PRKG1: variants seen among roughly 807,000 people sequenced by gnomAD.
PRKG1 encodes the protein protein kinase cGMP-dependent 1.
A neutral mutation model predicts 88.1 loss-of-function variants in PRKG1; 35 were observed. That is an observed-to-expected ratio of 0.40 (90% CI 0.30 to 0.53). PRKG1 has a LOEUF of 0.53. PRKG1 is among the 20% of genes least tolerant of loss of function. PRKG1 has a pLI of 0.59. For synonymous variants in PRKG1, 303 were observed against 292.5 expected, an observed-to-expected ratio of 1.04 and a Z score of -0.37; for missense variants, 540 against 839.8, an observed-to-expected ratio of 0.64 and a Z score of 4.41.
intron 4 of PRKG1, among the ~76,000 whole-genome samples, chr10:51,853,548 C>T (rs938371618): frequency 6.6e-6 from 1 of 152,138 alleles, no homozygotes; most frequent in Admixed American, 6.5e-5. Flanking sequence ...ACTTTAACAT[C>T]CTTGAAAGAC....
chr10:51,750,006 G>T (rs1162900242), intron 3 of PRKG1, among the ~76,000 whole-genome samples: 1 of 150,496 alleles, frequency 6.6e-6, no homozygotes, highest in Non-Finnish European at 1.5e-5. Context: ...CGTGATCTTG[G>T]CTCGCTGCAA....
intron 3 of PRKG1, among the ~76,000 whole-genome samples, chr10:51,504,824 A>G (rs1444246569): frequency 6.6e-6 from 1 of 152,144 alleles, no homozygotes. Flanking sequence ...TTGATTTTGT[A>G]TCCTGAGACT....
chr10:51,379,130 G>A (rs1406678715), intron 2 of PRKG1, among the ~76,000 whole-genome samples: 1 of 151,998 alleles, frequency 6.6e-6, no homozygotes, highest in Non-Finnish European at 1.5e-5. Flanking sequence ...TTATTAAATG[G>A]GGACATTATT....
chr10:52,139,623 G>A (rs1186550514), intron 8 of PRKG1, among the ~76,000 whole-genome samples: 1 of 152,106 alleles, frequency 6.6e-6, no homozygotes, highest in Admixed American at 6.6e-5. Context: ...TGCCAAATGG[G>A]ATAGAAATAT....
upstream of PRKG1, among the ~76,000 whole-genome samples, chr10:51,072,031 A>C (rs903208363): frequency 1.4e-4 from 22 of 152,186 alleles, no homozygotes; most frequent in African/African-American, 5.3e-4. Context: ...CCCCGTCTCT[A>C]CTAAAAATAC....
chr10:51,847,737 G>A (rs1375426816), intron 4 of PRKG1, among the ~76,000 whole-genome samples: 2 of 148,378 alleles, frequency 1.3e-5, no homozygotes, highest in African/African-American at 5.0e-5. Flanking sequence ...TAAGTTGAGT[G>A]TGGTAGTGCA....
chr10:51,845,081 G>A (rs1465938426), intron 4 of PRKG1, among the ~76,000 whole-genome samples: 2 of 152,158 alleles, frequency 1.3e-5, no homozygotes, highest in African/African-American at 4.8e-5. Context: ...TGGTTGGCCA[G>A]CTACCTCACC....
intron 2 of PRKG1, among the ~76,000 whole-genome samples, chr10:51,334,837 G>A (rs1305797488): frequency 6.6e-6 from 1 of 152,082 alleles, no homozygotes; most frequent in Admixed American, 6.6e-5. Flanking sequence ...GAGAGCAGAG[G>A]CAGAGGGAAT....
chr10:51,546,314 A>T (rs967275012), intron 3 of PRKG1, among the ~76,000 whole-genome samples: 6 of 152,074 alleles, frequency 3.9e-5, no homozygotes, highest in Admixed American at 1.3e-4. Context: ...AGTAGTCGTC[A>T]TAGAGGTTTA....
intron 7 of PRKG1, among the ~76,000 whole-genome samples, chr10:52,080,795 A>G (rs12252380): frequency 0.066 from 10,012 of 152,086 alleles, 406 homozygotes; most frequent in African/African-American, 0.12. Flanking sequence ...CATTTTTGAG[A>G]ATAATAATAA....
At chr10:51,242,282 A>G (rs1359356803) in intron 2 of PRKG1, among the ~76,000 whole-genome samples, 1 of 152,172 alleles carries the variant, frequency 6.6e-6, no homozygotes, top group East Asian at 1.9e-4. Context: ...TATGTTCAGA[A>G]CAAGAAGATA....
chr10:51,082,943 T>A (rs563792132), intron 1 of PRKG1, among the ~76,000 whole-genome samples: 44 of 152,190 alleles, frequency 2.9e-4, no homozygotes, highest in Non-Finnish European at 5.0e-4. Flanking sequence ...ACCTGAGGTA[T>A]AGGTATATTA....
intron 2 of PRKG1, among the ~76,000 whole-genome samples, chr10:51,201,544 A>G (rs1411644908): frequency 6.6e-6 from 1 of 152,246 alleles, no homozygotes; most frequent in Non-Finnish European, 1.5e-5. Context: ...ACCTGTCATT[A>G]GTAAATGCTA....
At chr10:52,109,020 G>A (rs528629600) in intron 7 of PRKG1, among the ~76,000 whole-genome samples, 1 of 152,034 alleles carries the variant, frequency 6.6e-6, no homozygotes, top group South Asian at 2.1e-4. Context: ...TAGAGACTGG[G>A]TTTCACCATA....
intron 2 of PRKG1, among the ~76,000 whole-genome samples, chr10:51,402,832 A>G (rs956441110): frequency 6.6e-6 from 1 of 152,198 alleles, no homozygotes; most frequent in South Asian, 2.1e-4. Context: ...AATTGCAAGG[A>G]CAACTCCATT....
chr10:51,135,898 A>G lies in PRKG1; in HGVS notation c.312-17266A>G, dbSNP rs562671404. Among the ~76,000 whole-genome samples the G allele has an allele frequency of 1.2e-4, 18 of 145,588 alleles. No homozygotes were observed. The South Asian group carries it at 3.8e-3, about 31-fold the overall frequency. ...GTATCCTAACCTAGAAGTGGCATGG[A>G]CTCAAGAAATATTTAGGAGGTAGCC... On this transcript the variant is annotated intron_variant, in intron 1 of 17. Transcript: ENST00000373980.
chr10:51,344,351 C>T (rs1263031060), intron 2 of PRKG1, among the ~76,000 whole-genome samples: 1 of 152,170 alleles, frequency 6.6e-6, no homozygotes, highest in Non-Finnish European at 1.5e-5. Flanking sequence ...GCTAAACTAT[C>T]CACGAGAATT....
chr10:51,238,947 C>A (rs1839076701), intron 2 of PRKG1, among the ~76,000 whole-genome samples: 1 of 147,978 alleles, frequency 6.8e-6, no homozygotes, highest in African/African-American at 2.5e-5. Context: ...TATGTTTAGA[C>A]CTAAAGTTAA....
chr10:51,594,098 C>T (rs1306520353), intron 3 of PRKG1, among the ~76,000 whole-genome samples: 1 of 152,084 alleles, frequency 6.6e-6, no homozygotes. Flanking sequence ...AATCATAGCT[C>T]ACTGCAGTCT....
Sources: gnomAD v4.1 joint callset for allele counts (sites outside exome capture counted in the v4.1 genomes callset) on GRCh38, gnomAD v4.1.1 for gene constraint, MANE v1.5 for transcripts, NCBI Gene and HGNC (gene_info 2026-07-23, HGNC 2026-07-21) for gene names.